B3GALT5: variants seen among roughly 807,000 people sequenced by gnomAD.
B3GALT5 encodes beta-1,3-galactosyltransferase 5.
For missense variants in B3GALT5, 328 were observed against 396.6 expected (o/e 0.83, Z 1.47); for synonymous variants, 156 against 158.6 (o/e 0.98, Z 0.12).
In B3GALT5 at chr21:39,667,629, C is replaced by T. The variant is rs1183157926; in HGVS notation, c.*6137C>T. 1 of 152,222 alleles carries T rather than the reference C, an allele frequency of 6.6e-6. No individual in the cohort carries two copies. Among genetic ancestry groups the T allele is most frequent in the African/African-American group, 2.4e-5 (1 of 41,448 alleles). 9.4% of individuals were successfully genotyped at this position (152,222 alleles called of 1,614,324 possible). On this transcript the variant is annotated 3_prime_UTR_variant, in exon 4 of 4. Transcript: ENST00000684187. ...TGTAGAAACTGTACTGACGTACAGCCTTGCAGAGCCTCCAGCTTCCATGGT... is the reference window on the plus strand; with the variant it reads ...TGTAGAAACTGTACTGACGTACAGCTTTGCAGAGCCTCCAGCTTCCATGGT...
intron 1 of B3GALT5, among the ~76,000 whole-genome samples, chr21:39,638,374 C>T (rs760582529): frequency 1.3e-5 from 2 of 152,158 alleles, no homozygotes; most frequent in African/African-American, 4.8e-5. Context: ...AAAGCACAGA[C>T]AGGCACTGAC....
chr21:39,649,833 T>TG (rs1248794300), intron 2 of B3GALT5, among the ~76,000 whole-genome samples: 1 of 152,118 alleles, frequency 6.6e-6, no homozygotes, highest in African/African-American at 2.4e-5. Flanking sequence ...AGTGATGGTG[T>TG]GGGATCCTGG....
chr21:39,631,767 A>G (rs1374174446), intron 1 of B3GALT5, among the ~76,000 whole-genome samples: 1 of 152,240 alleles, frequency 6.6e-6, no homozygotes, highest in African/African-American at 2.4e-5. Flanking sequence ...ATTAATAACT[A>G]GAATACGGCA....
chr21:39,627,233 CCTT>C (rs1280946752), intron 1 of B3GALT5, among the ~76,000 whole-genome samples: 1 of 152,188 alleles, frequency 6.6e-6, no homozygotes, highest in Non-Finnish European at 1.5e-5. Context: ...TCTTGAGGCT[CCTT>C]TGATCTCTGG....
chr21:39,653,751 G>T (rs962835660), intron 2 of B3GALT5, among the ~76,000 whole-genome samples: 10 of 152,246 alleles, frequency 6.6e-5, no homozygotes, highest in African/African-American at 2.4e-4. Flanking sequence ...TGCCCTTTTA[G>T]TGGGGTCTAG....
chr21:39,656,200 T>C (rs1435137146), intron 2 of B3GALT5, among the ~76,000 whole-genome samples: 1 of 152,192 alleles, frequency 6.6e-6, no homozygotes, highest in East Asian at 1.9e-4. Context: ...GTGGGGTTGT[T>C]CAGACAGCAG....
chr21:39,649,394 TCTGC>T (rs2079372860), intron 2 of B3GALT5, among the ~76,000 whole-genome samples: 1 of 152,168 alleles, frequency 6.6e-6, no homozygotes, highest in Admixed American at 6.5e-5. Flanking sequence ...ATTCCCTGCC[TCTGC>T]CTGCCAGCCT....
intron 2 of B3GALT5, among the ~76,000 whole-genome samples, chr21:39,655,585 G>T (rs1026785011): frequency 6.6e-6 from 1 of 152,184 alleles, no homozygotes; most frequent in African/African-American, 2.4e-5. Context: ...GAGGCCAGGG[G>T]TAGGTCCAGG....
chr21:39,639,386 CCTTCCT>C (rs2079263117), intron 1 of B3GALT5, among the ~76,000 whole-genome samples: 1 of 124,420 alleles, frequency 8.0e-6, no homozygotes, highest in East Asian at 2.4e-4. Context: ...TTCCTTCCTT[CCTTCCT>C]TCTTTCTTTT....
chr21:39,614,592 G>A (rs182317120), intron 1 of B3GALT5, among the ~76,000 whole-genome samples: 106 of 152,276 alleles, frequency 7.0e-4, no homozygotes, highest in African/African-American at 2.5e-3. Context: ...ATGAGATTCT[G>A]CATACCTCAC....
Position 39,672,920 on chromosome 21 carries a change from T to G in B3GALT5, c.*11428T>G, listed in dbSNP as rs1021325979. On this transcript the variant is annotated 3_prime_UTR_variant, in exon 4 of 4. Transcript: ENST00000684187. Reference sequence around the variant, plus strand: ...GTCCATTGAGGTGTCCTGTCGGGAATGACAAGTCCAGGGCAGATTATGAGG... The same window carrying G: ...GTCCATTGAGGTGTCCTGTCGGGAAGGACAAGTCCAGGGCAGATTATGAGG... 9.2e-5 allele frequency: 14 copies of G among 152,196 alleles called. No homozygotes were observed. Among genetic ancestry groups the G allele is most frequent in the Admixed American group, 3.3e-4 (5 of 15,286 alleles). 9.4% of individuals were successfully genotyped at this position (152,196 alleles called of 1,614,324 possible).
chr21:39,660,673 C>G lies in B3GALT5; in HGVS notation c.114C>G (p.Tyr38Ter), dbSNP rs183927499. 6 of 1,554,540 alleles carry G rather than the reference C, an allele frequency of 3.9e-6. No homozygotes were observed. In the Admixed American group the frequency reaches 1.0e-4, roughly 26 times the overall value. Residue 38 changes from tyrosine (Y) to a stop codon, truncating the protein, a stop_gained, in exon 4 of 4, where the codon TAC becomes TAG. Coordinates refer to ENST00000684187, the MANE Select transcript of B3GALT5 (RefSeq NM_001356336.2). LOFTEE classifies it low-confidence loss of function (END_TRUNC). ...LNPFKEQSFV[Y>*]KKDGNFLKLP... The stretch of plus-strand genomic sequence containing the variant: ...CTTTCAAAGAACAGTCCTTTGTTTA[C>G]AAGAAAGACGGGAACTTCCTTAAGC...
At chr21:39,635,477 C>T (rs1399310124) in intron 1 of B3GALT5, among the ~76,000 whole-genome samples, 1 of 152,098 alleles carries the variant, frequency 6.6e-6, no homozygotes, top group Admixed American at 6.6e-5. Flanking sequence ...ATCTTCCATG[C>T]TCTTTTTTTT....
intron 1 of B3GALT5, among the ~76,000 whole-genome samples, chr21:39,639,322 C>CTT (rs2079257455): frequency 5.4e-5 from 6 of 111,616 alleles, no homozygotes; most frequent in African/African-American, 2.1e-4. Flanking sequence ...TTCTTTCTTT[C>CTT]TTTCTTTCTT....
intron 1 of B3GALT5, among the ~76,000 whole-genome samples, chr21:39,622,678 A>G (rs1288791287): frequency 1.3e-5 from 2 of 152,254 alleles, no homozygotes; most frequent in Admixed American, 6.5e-5. Context: ...TTGTGTTTCT[A>G]AGCAAGTGAA....
intron 1 of B3GALT5, among the ~76,000 whole-genome samples, chr21:39,632,856 G>A (rs570431337): frequency 6.6e-5 from 10 of 152,244 alleles, no homozygotes; most frequent in Middle Eastern, 6.8e-3. Flanking sequence ...GGAGAAAGTG[G>A]CCTTTGTTTT....
intron 2 of B3GALT5, chr21:39,657,788 A>C: frequency 9.1e-7 from 1 of 1,094,208 alleles, no homozygotes; most frequent in Non-Finnish European, 1.2e-6. Flanking sequence ...TCTCTAGAGA[A>C]CCCTGACTAA....
At chr21:39,620,737 T>G (rs773256467) in intron 1 of B3GALT5, among the ~76,000 whole-genome samples, 2 of 151,898 alleles carry the variant, frequency 1.3e-5, no homozygotes, top group African/African-American at 4.9e-5. Context: ...TTTGTATGCT[T>G]GCCTTCAAGA....
At chr21:39,614,493 G>T (rs2079097225) in intron 1 of B3GALT5, among the ~76,000 whole-genome samples, 1 of 152,208 alleles carries the variant, frequency 6.6e-6, no homozygotes, top group Non-Finnish European at 1.5e-5. Flanking sequence ...TCTTTGCAAA[G>T]GTTCTTCCAG....
Sources: allele counts gnomAD v4.1 joint callset (sites outside exome capture counted in the v4.1 genomes callset), GRCh38; gene constraint gnomAD v4.1.1; transcripts MANE v1.5; gene names NCBI Gene and HGNC (gene_info 2026-07-23, HGNC 2026-07-21).